CDH13: variants seen among roughly 807,000 people sequenced by gnomAD.
CDH13 encodes cadherin-13.
In CDH13, 24 loss-of-function variants were observed where a neutral mutation model predicts 63.8. The ratio of observed to expected loss-of-function variants is 0.38; its 90% confidence interval spans 0.27 to 0.53. The LOEUF (loss-of-function observed/expected upper bound fraction) is 0.53. Ranked by LOEUF, CDH13 falls within the 20% of genes least tolerant of loss-of-function variation. The pLI is 0.85. For synonymous variants in CDH13, 503 were observed against 355.3 expected (o/e 1.42, Z -4.67); for missense variants, 1,049 against 903.1 (o/e 1.16, Z -2.07).
At chr16:83,390,921 G>T (rs765722743) in intron 6 of CDH13, among the ~76,000 whole-genome samples, 60 of 152,184 alleles carry the variant, frequency 3.9e-4, no homozygotes, top group Non-Finnish European at 8.1e-4. Flanking sequence ...TTGATGTCAG[G>T]CTCAGCAGAG....
intron 5 of CDH13, among the ~76,000 whole-genome samples, chr16:83,239,577 A>T (rs1463788542): frequency 6.6e-6 from 1 of 152,202 alleles, no homozygotes; most frequent in African/African-American, 2.4e-5. Flanking sequence ...ACAGCACACA[A>T]AGAAAATAGG....
chr16:83,362,331 A>G (rs1379914734), intron 6 of CDH13, among the ~76,000 whole-genome samples: 2 of 152,222 alleles, frequency 1.3e-5, no homozygotes, highest in Non-Finnish European at 1.5e-5. Flanking sequence ...TATGAGCTGT[A>G]ATGAAAGACA....
In CDH13 at chr16:83,447,072, AAAC is replaced by A. The variant is rs1456822895; in HGVS notation, c.782-39402_782-39400del. Among the ~76,000 whole-genome samples the A allele has an allele frequency of 3.9e-3, 489 of 125,084 alleles. 17 individuals are homozygous for A. The highest frequency in any genetic ancestry group is 0.013 in the Middle Eastern group (3 of 238). 82.1% of individuals were successfully genotyped at this position (125,084 alleles called of 152,430 possible). A position where few individuals can be genotyped will look rare whatever the true frequency, so the allele number is the denominator to read the frequency against. ...CCGTCTTAAAAAAAAAAAAAAAAAA[AAAC>A]AAAAAACACCTTATAGTAACCTTTT... is the stretch of plus-strand genomic sequence containing the variant. On this transcript the variant is annotated intron_variant, in intron 6 of 13. Transcript: ENST00000567109.
At chr16:83,476,532 G>C (rs958671123) in intron 6 of CDH13, among the ~76,000 whole-genome samples, 1 of 152,146 alleles carries the variant, frequency 6.6e-6, no homozygotes, top group African/African-American at 2.4e-5. Flanking sequence ...AATTAGCAAG[G>C]CGTGGTGGCG....
At chr16:82,921,167 T>C (rs28889683) in intron 2 of CDH13, among the ~76,000 whole-genome samples, 1,580 of 152,252 alleles carry the variant, frequency 0.01, 40 homozygotes, top group African/African-American at 0.037. Flanking sequence ...TTACCATAAA[T>C]TTGGTGGCTT....
In CDH13 at chr16:82,858,405, G is replaced by C. The variant is rs370290671; in HGVS notation, c.89G>C (p.Gly30Ala). 6.2e-7 allele frequency: 1 copy of C among 1,613,736 alleles called. No homozygotes were observed. The highest frequency in any genetic ancestry group is 1.3e-5 in the African/African-American group (1 of 74,908). ...GCAGAAGATTTGGACTGCACTCCTG[G>C]ATTTCAGCAGAAAGTGTTCCATATC... ...TSAEDLDCTP[G>A]FQQKVFHINQ... is the part of the protein sequence containing the mutation. The change falls in exon 2 of 14, where the codon GGA (glycine) becomes GCA (alanine). Residue 30 changes from glycine to alanine, a missense_variant. Gly to Ala is a moderately conservative substitution (Grantham distance 60). Coordinates refer to ENST00000567109, the MANE Select transcript of CDH13 (RefSeq NM_001257.5).
At chr16:83,488,656 G>T (rs1387903983) in intron 7 of CDH13, among the ~76,000 whole-genome samples, 1 of 151,150 alleles carries the variant, frequency 6.6e-6, no homozygotes, top group African/African-American at 2.4e-5. Flanking sequence ...ACAGAGTCTT[G>T]CTCTGTCACC....
intron 1 of CDH13, among the ~76,000 whole-genome samples, chr16:82,727,880 T>C (rs909229825): frequency 6.6e-6 from 1 of 152,082 alleles, no homozygotes; most frequent in Admixed American, 6.6e-5. Flanking sequence ...TTTGAACAGA[T>C]CAGCCCGTTC....
At position 82,959,028 on chromosome 16, in the gene CDH13, T is replaced by G. The variant is rs142069728; in HGVS notation, c.158-72982T>G. Among the ~76,000 whole-genome samples, 1,036 of 152,360 alleles carry G rather than the reference T, an allele frequency of 6.8e-3. 10 individuals are homozygous for G. Among genetic ancestry groups the G allele is most frequent in the African/African-American group, 0.023 (947 of 41,590 alleles). On this transcript the variant is annotated intron_variant, in intron 2 of 13. Transcript: ENST00000567109. ...CTGAAATCTACATCAGACAGTATTT[T>G]GGCGAGGAGCAAGGCTTCCCCAGCA...
intron 5 of CDH13, among the ~76,000 whole-genome samples, chr16:83,302,513 A>G (rs1007241283): frequency 5.9e-5 from 9 of 152,342 alleles, no homozygotes; most frequent in African/African-American, 2.2e-4. Context: ...AATAAATATC[A>G]TGAAAGTCAC....
chr16:83,626,759 A>C (rs2150786393), intron 8 of CDH13, among the ~76,000 whole-genome samples: 1 of 152,144 alleles, frequency 6.6e-6, no homozygotes, highest in East Asian at 1.9e-4. Flanking sequence ...GACCAAAAGC[A>C]GACTTTGGGT....
intron 2 of CDH13, among the ~76,000 whole-genome samples, chr16:82,986,091 G>A (rs1234622482): frequency 6.6e-6 from 1 of 152,180 alleles, no homozygotes; most frequent in African/African-American, 2.4e-5. Context: ...CGTAAGAATG[G>A]ACTAATACAG....
intron 2 of CDH13, among the ~76,000 whole-genome samples, chr16:82,978,417 G>A (rs545709310): frequency 9.2e-5 from 14 of 152,226 alleles, no homozygotes; most frequent in Non-Finnish European, 1.8e-4. Flanking sequence ...CTTCATGGCA[G>A]CCCCTCCCAT....
rs1598030515 is a variant in CDH13 at position 83,442,743 on chromosome 16, G to A, written c.782-43734G>A. 2.0e-5 allele frequency among the ~76,000 whole-genome samples: 3 copies of A among 152,330 alleles called. No individual in the cohort carries two copies. The East Asian group carries it at 5.8e-4, about 29-fold the overall frequency. On this transcript the variant is annotated intron_variant, in intron 6 of 13. Coordinates refer to ENST00000567109, the MANE Select transcript of CDH13 (RefSeq NM_001257.5). ...TCATTGGGAACAGTGATATCAGAAT[G>A]TTACCTTAATACTCTGCCAGAAAGG...
At chr16:83,072,486 G>T (rs1161766713) in intron 3 of CDH13, among the ~76,000 whole-genome samples, 1 of 152,122 alleles carries the variant, frequency 6.6e-6, no homozygotes, top group East Asian at 1.9e-4. Flanking sequence ...CATTAGAAAT[G>T]CCTGTCCTCT....
At position 83,398,449 on chromosome 16, in the gene CDH13, T is replaced by G. The variant is rs577429996; in HGVS notation, c.781+53443T>G. On this transcript the variant is annotated intron_variant, in intron 6 of 13. Coordinates refer to ENST00000567109, the MANE Select transcript of CDH13 (RefSeq NM_001257.5). ...CTCTGCCTTTCTGTTACAAAGACAT[T>G]TGCTATTGGATTTAGGACCTTCCTA... 9.8e-5 allele frequency among the ~76,000 whole-genome samples: 15 copies of G among 152,298 alleles called. No individual in the cohort carries two copies. In the East Asian group the frequency reaches 2.7e-3, roughly 27 times the overall value.
chr16:82,926,761 C>T (rs1013224498), intron 2 of CDH13, among the ~76,000 whole-genome samples: 2 of 152,168 alleles, frequency 1.3e-5, no homozygotes, highest in African/African-American at 2.4e-5. Flanking sequence ...AGGAGGACTT[C>T]AACCAAACTG....
chr16:83,428,440 T>G (rs1195858474), intron 6 of CDH13, among the ~76,000 whole-genome samples: 1 of 152,206 alleles, frequency 6.6e-6, no homozygotes, highest in African/African-American at 2.4e-5. Flanking sequence ...TTGACAAGAT[T>G]CATTTTTAAT....
In CDH13 at chr16:83,341,163, C is replaced by T. The variant is rs185423579; in HGVS notation, c.637-3699C>T. 3.1e-4 allele frequency among the ~76,000 whole-genome samples: 47 copies of T among 152,344 alleles called. 1 individual carries two copies. Among genetic ancestry groups the T allele is most frequent in the African/African-American group, 1.1e-3 (45 of 41,578 alleles). On this transcript the variant is annotated intron_variant, in intron 5 of 13. Transcript: ENST00000567109. ...TTGTTTTGTTTTTAGAACCCAAACA[C>T]AGCCACTTGAATCTATCATGTAATT...
Sources: allele counts gnomAD v4.1 joint callset (sites outside exome capture counted in the v4.1 genomes callset), GRCh38; gene constraint gnomAD v4.1.1; transcripts MANE v1.5; gene names NCBI Gene and HGNC (gene_info 2026-07-23, HGNC 2026-07-21).